KIF16B: variants seen among roughly 807,000 people sequenced by gnomAD.
KIF16B encodes kinesin family member 16B.
KIF16B carries 98 observed loss-of-function variants against 156.3 expected under a neutral mutation model. The ratio of observed to expected loss-of-function variants is 0.63; its 90% CI spans 0.53 to 0.74. The LOEUF (loss-of-function observed/expected upper bound fraction) is 0.74, where lower values mean the gene tolerates loss of function less well. Among genes scored for constraint, KIF16B ranks in the 30% least tolerant of loss-of-function variants. KIF16B has a pLI of 0.00. For synonymous variants in KIF16B, 564 were observed against 583.7 expected, an observed-to-expected ratio of 0.97 and a Z score of 0.49; for missense variants, 1,421 against 1,606.5, an observed-to-expected ratio of 0.88 and a Z score of 1.97.
At position 16,306,610 on chromosome 20, in the gene KIF16B, T is replaced by C. The variant is rs533409978; in HGVS notation, c.3795+5725A>G. Among the ~76,000 whole-genome samples, 21 of 152,292 alleles carry C rather than the reference T, an allele frequency of 1.4e-4. No individual in the cohort carries two copies. The South Asian group carries it at 4.4e-3, about 32-fold the overall frequency. ...TTTAGTGTCTCTGCTGTCATTGACT[T>C]TGCAAGTAAATGTAACAAACTGAGA... On this transcript the variant is annotated intron_variant, in intron 25 of 25. Transcript: ENST00000354981.
At chr20:16,560,719 A>G (rs2071025137) in intron 1 of KIF16B, among the ~76,000 whole-genome samples, 1 of 152,078 alleles carries the variant, frequency 6.6e-6, no homozygotes, top group Non-Finnish European at 1.5e-5. Context: ...TGGGAGGTCA[A>G]CGCTGCAGTG....
chr20:16,376,554 G>A (rs755188783), intron 19 of KIF16B, among the ~76,000 whole-genome samples: 1 of 152,200 alleles, frequency 6.6e-6, no homozygotes, highest in Non-Finnish European at 1.5e-5. Context: ...CGGGGGTATC[G>A]CAGTCAGAGC....
At chr20:16,457,199 A>G (rs888727077) in intron 12 of KIF16B, among the ~76,000 whole-genome samples, 1 of 152,158 alleles carries the variant, frequency 6.6e-6, no homozygotes, top group African/African-American at 2.4e-5. Flanking sequence ...CAGGTAATGC[A>G]AGTGTTTCAT....
chr20:16,336,743 C>G (rs2064045246), intron 23 of KIF16B, among the ~76,000 whole-genome samples: 1 of 152,232 alleles, frequency 6.6e-6, no homozygotes. Context: ...ACCTACCCAG[C>G]AATGCCAGCC....
chr20:16,365,650 CA>C (rs2123236821), intron 22 of KIF16B, among the ~76,000 whole-genome samples: 3 of 152,270 alleles, frequency 2.0e-5, no homozygotes, highest in African/African-American at 7.2e-5. Context: ...TTTCCTCCGT[CA>C]GGGGAAAGAG....
intron 24 of KIF16B, among the ~76,000 whole-genome samples, chr20:16,323,784 T>A (rs2063804456): frequency 6.6e-6 from 1 of 151,878 alleles, no homozygotes; most frequent in Admixed American, 6.6e-5. Context: ...AGCCAGTGAT[T>A]AAAGTCAGAA....
chr20:16,505,093 C>A (rs1217012534), intron 9 of KIF16B, among the ~76,000 whole-genome samples: 1 of 152,084 alleles, frequency 6.6e-6, no homozygotes, highest in African/African-American at 2.4e-5. Flanking sequence ...AATCCCGTGG[C>A]TCCATAGTTA....
intron 3 of KIF16B, among the ~76,000 whole-genome samples, chr20:16,525,009 C>T (rs1351015702): frequency 6.6e-6 from 1 of 152,054 alleles, no homozygotes; most frequent in African/African-American, 2.4e-5. Flanking sequence ...GGGAACATCA[C>T]ATACCAAAGC....
chr20:16,302,334 T>C (rs1220461452), intron 25 of KIF16B, among the ~76,000 whole-genome samples: 1 of 152,258 alleles, frequency 6.6e-6, no homozygotes, highest in Non-Finnish European at 1.5e-5. Flanking sequence ...TTTTTGCATG[T>C]GGATATCCAA....
intron 1 of KIF16B, among the ~76,000 whole-genome samples, chr20:16,543,949 G>A (rs377466746): frequency 6.6e-6 from 1 of 152,190 alleles, no homozygotes; most frequent in Non-Finnish European, 1.5e-5. Context: ...GAACTGCTGA[G>A]AGCAAAGCTG....
chr20:16,491,081 C>G (rs1433595519), intron 12 of KIF16B, among the ~76,000 whole-genome samples: 6 of 152,146 alleles, frequency 3.9e-5, no homozygotes, highest in Non-Finnish European at 8.8e-5. Context: ...TTCATCCTAA[C>G]TGGGAAGTAG....
intron 1 of KIF16B, among the ~76,000 whole-genome samples, chr20:16,561,345 T>C (rs1031284565): frequency 6.6e-6 from 1 of 152,196 alleles, no homozygotes; most frequent in Non-Finnish European, 1.5e-5. Flanking sequence ...AGCAGATGAA[T>C]GTCTTACTGT....
rs548229507 is a variant in KIF16B at position 16,372,977 on chromosome 20, C to T, written c.3351-1216G>A. ...CCTCTCGAAGTGCTGGGATTATAGGCGTCAGCCACCATGCCCGGCCGGATG... is the reference window on the plus strand; with the variant it reads ...CCTCTCGAAGTGCTGGGATTATAGGTGTCAGCCACCATGCCCGGCCGGATG... On this transcript the variant is annotated intron_variant, in intron 20 of 25. Transcript: ENST00000354981. Among the ~76,000 whole-genome samples, 10 of 152,248 alleles carry T rather than the reference C, an allele frequency of 6.6e-5. No individual in the cohort carries two copies. In the South Asian group the frequency reaches 1.0e-3, roughly 16 times the overall value.
At chr20:16,515,075 T>G (rs927325889) in intron 4 of KIF16B, among the ~76,000 whole-genome samples, 1 of 151,946 alleles carries the variant, frequency 6.6e-6, no homozygotes, top group Non-Finnish European at 1.5e-5. Context: ...TATAAATATG[T>G]AAATTATATA....
At chr20:16,323,829 C>G (rs1395740641) in intron 24 of KIF16B, among the ~76,000 whole-genome samples, 1 of 151,428 alleles carries the variant, frequency 6.6e-6, no homozygotes, top group Non-Finnish European at 1.5e-5. Flanking sequence ...CCTGTTGTCA[C>G]CAAAAAGCTA....
intron 25 of KIF16B, among the ~76,000 whole-genome samples, chr20:16,295,103 C>G (rs1361565408): frequency 6.6e-6 from 1 of 152,176 alleles, no homozygotes; most frequent in East Asian, 1.9e-4. Flanking sequence ...GTAAACATGA[C>G]TAATACACCA....
chr20:16,469,628 CACTAT>C (rs2067602145), intron 12 of KIF16B, among the ~76,000 whole-genome samples: 1 of 149,956 alleles, frequency 6.7e-6, no homozygotes, highest in African/African-American at 2.5e-5. Context: ...AAAATTAGAG[CACTAT>C]ACTAGTATTA....
intron 24 of KIF16B, among the ~76,000 whole-genome samples, chr20:16,313,627 T>C (rs1348670318): frequency 6.6e-6 from 1 of 152,198 alleles, no homozygotes; most frequent in Non-Finnish European, 1.5e-5. Context: ...CCTGACACTA[T>C]GACAATAGCA....
chr20:16,403,581 A>G (rs1208634481), intron 17 of KIF16B, among the ~76,000 whole-genome samples: 1 of 152,190 alleles, frequency 6.6e-6, no homozygotes, highest in Non-Finnish European at 1.5e-5. Flanking sequence ...GCTTCCAGAA[A>G]TCCTGGAAAG....
Sources: gnomAD v4.1 joint callset for allele counts (sites outside exome capture counted in the v4.1 genomes callset) on GRCh38, gnomAD v4.1.1 for gene constraint, MANE v1.5 for transcripts, NCBI Gene and HGNC (gene_info 2026-07-23, HGNC 2026-07-21) for gene names.